Variants in ITPR3 observed in about 807,000 individuals in gnomAD.
ITPR3 encodes the protein inositol 1,4,5-trisphosphate-gated calcium channel ITPR3.
A neutral mutation model predicts 293.2 loss-of-function variants in ITPR3; 173 were observed. The observed-to-expected ratio is 0.59, with a 90% CI of 0.52 to 0.67. The LOEUF is 0.67. Ranked by LOEUF, ITPR3 falls within the 30% of genes least tolerant of loss-of-function variation. The pLI is 0.00. For missense variants in ITPR3, 2,796 were observed against 3,592.1 expected, an observed-to-expected ratio of 0.78 and a Z score of 5.66; for synonymous variants, 1,295 against 1,444.4, an observed-to-expected ratio of 0.90 and a Z score of 2.35.
At chr6:33,631,749 C>T (rs374265175) in intron 1 of ITPR3, among the ~76,000 whole-genome samples, 26 of 152,260 alleles carry the variant, frequency 1.7e-4, no homozygotes, top group African/African-American at 6.0e-4. Context: ...CTCCCTTTCG[C>T]GGTCTGCTAA....
chr6:33,670,415 T>A lies in ITPR3; in HGVS notation c.2280T>A (p.Ile760=). The change falls in exon 19 of 58, where the codon ATT becomes ATA. Residue 760 remains isoleucine (I), a synonymous_variant. Transcript: ENST00000605930. The surrounding 1 kb of genome is among the most constrained non-coding windows in gnomAD (Gnocchi z 6.7). ...EISQQLGVDL[I]FLCMADEMLP... is the part of the protein sequence containing the mutation. ...CCCAGCAGCTGGGCGTGGACCTGAT[T>A]TTCCTGTGCATGGCAGACGAGATGC... is the stretch of plus-strand genomic sequence containing the variant. The A allele has an allele frequency of 6.2e-7, 1 of 1,614,074 alleles. No individual in the cohort carries two copies. Among genetic ancestry groups the A allele is most frequent in the Non-Finnish European group, 8.5e-7 (1 of 1,180,012 alleles).
chr6:33,634,447 C>T (rs982976878), intron 1 of ITPR3, among the ~76,000 whole-genome samples: 2 of 152,108 alleles, frequency 1.3e-5, no homozygotes, highest in African/African-American at 4.8e-5. Flanking sequence ...TCCTGACCGA[C>T]CCTCCCTGCT....
rs959621125 is a variant in ITPR3, at chr6:33,657,882, C to T, written c.283-50C>T. 5 of 1,536,292 alleles carry T rather than the reference C, an allele frequency of 3.3e-6. No individual in the cohort carries two copies. In the East Asian group the frequency reaches 6.9e-5, roughly 21 times the overall value. ...GTGTGGGGCTGGGGTATGTCTTCCT[C>T]TAGGAGCAGCTTCTGAGCCCACCCT... On this transcript the variant is annotated intron_variant, in intron 3 of 57. Transcript: ENST00000605930.
chr6:33,694,695 T>G, intron 56 of ITPR3: 1 of 547,194 alleles, frequency 1.8e-6, no homozygotes, highest in Non-Finnish European at 3.2e-6. Context: ...CGACGCTGCC[T>G]AACGGAAGTC....
intron 9 of ITPR3, 90 bp downstream of exon 9, chr6:33,663,096 G>C: frequency 1.0e-5 from 11 of 1,099,662 alleles, no homozygotes; most frequent in South Asian, 1.4e-5. Context: ...TGCATATGTG[G>C]CACATGTGCC....
chr6:33,688,423 A>G lies in ITPR3; in HGVS notation c.6560A>G (p.Lys2187Arg). ...FLHNEMEWQRKLRSMPLIYWF... is the reference protein window; with the variant it reads ...FLHNEMEWQRRLRSMPLIYWF... Reference sequence around the variant, plus strand: ...CACAACGAGATGGAGTGGCAGCGCAAGCTCCGCAGTGAGGACCCACGGGCG... The same window carrying G: ...CACAACGAGATGGAGTGGCAGCGCAGGCTCCGCAGTGAGGACCCACGGGCG... The change falls in exon 48 of 58, where the codon AAG becomes AGG. Residue 2187 changes from lysine to arginine, a missense_variant. This residue lies in a region of ITPR3 where 568 missense variants were observed against 796.1 expected (regional missense o/e 0.71). Coordinates refer to ENST00000605930, the MANE Select transcript of ITPR3 (RefSeq NM_002224.4). 1.1e-6 allele frequency: 1 copy of G among 899,478 alleles called. No individual in the cohort carries two copies. Among genetic ancestry groups the G allele is most frequent in the Non-Finnish European group, 1.6e-6 (1 of 629,006 alleles). 55.7% of individuals were successfully genotyped at this position (899,478 alleles called of 1,614,324 possible). A position where few individuals can be genotyped will look rare whatever the true frequency, so the allele number is the denominator to read the frequency against.
In ITPR3 at chr6:33,675,870, C is replaced by G; in HGVS notation, c.3282+14C>G. On this transcript the variant is annotated intron_variant, in intron 25 of 57. Transcript: ENST00000605930. The surrounding 1 kb of genome is among the most constrained non-coding windows in gnomAD (Gnocchi z 5.0). ...ACCTTCAAGCAGGTGACGGGACTACCTGGCCCTGGCCCTGAGCATGAGGCC... is the reference window on the plus strand; with the variant it reads ...ACCTTCAAGCAGGTGACGGGACTACGTGGCCCTGGCCCTGAGCATGAGGCC... 1 of 1,544,836 alleles carries G rather than the reference C, an allele frequency of 6.5e-7. No individual in the cohort carries two copies. Among genetic ancestry groups the G allele is most frequent in the Non-Finnish European group, 8.7e-7 (1 of 1,143,472 alleles).
rs1257989532 is a variant in ITPR3, at chr6:33,654,233, A to C, written c.161-1533A>C. 6.6e-6 allele frequency among the ~76,000 whole-genome samples: 1 copy of C among 152,122 alleles called. No individual in the cohort carries two copies. The highest frequency in any genetic ancestry group is 1.9e-4 in the East Asian group (1 of 5,190). On this transcript the variant is annotated intron_variant, in intron 2 of 57. Coordinates refer to ENST00000605930, the MANE Select transcript of ITPR3 (RefSeq NM_002224.4). This position sits in a 1 kb window ranked among gnomAD's most constrained non-coding sequence, Gnocchi z 4.1. ...CAGTGAGCCGAGATTGCATCACTGCACTCCAGCCTGAGCTACAGAGTGAGA... is the reference window on the plus strand; with the variant it reads ...CAGTGAGCCGAGATTGCATCACTGCCCTCCAGCCTGAGCTACAGAGTGAGA...
chr6:33,628,473 A>G (rs952793955), intron 1 of ITPR3, among the ~76,000 whole-genome samples: 1 of 152,264 alleles, frequency 6.6e-6, no homozygotes, highest in African/African-American at 2.4e-5. Flanking sequence ...CCTGGCTTGG[A>G]GAGCTTGGGG....
chr6:33,684,184 G>C lies in ITPR3; in HGVS notation c.4937+16G>C, dbSNP rs1359752915. The C allele has an allele frequency of 6.2e-7, 1 of 1,608,522 alleles. No individual in the cohort carries two copies. The highest frequency in any genetic ancestry group is 1.3e-5 in the African/African-American group (1 of 74,810). On this transcript the variant is annotated intron_variant, in intron 36 of 57. Transcript: ENST00000605930. This position sits in a 1 kb window ranked among gnomAD's most constrained non-coding sequence, Gnocchi z 4.2. Reference sequence around the variant, plus strand: ...TCCTGTCCAAGTGAGCGAGACACTGGGGCATGGGGGCAGCAGGGGTGCAGC... The same window carrying C: ...TCCTGTCCAAGTGAGCGAGACACTGCGGCATGGGGGCAGCAGGGGTGCAGC...
intron 2 of ITPR3, among the ~76,000 whole-genome samples, chr6:33,653,146 G>A (rs1027896954): frequency 6.6e-6 from 1 of 152,016 alleles, no homozygotes; most frequent in African/African-American, 2.4e-5. Context: ...TGGCTCAAGC[G>A]AACCTCCTGC....
At chr6:33,686,317 G>A in intron 42 of ITPR3, 64 bp downstream of exon 42, 1 of 1,597,324 alleles carries the variant, frequency 6.3e-7, no homozygotes, top group Non-Finnish European at 8.6e-7. Flanking sequence ...GGTAGATGGA[G>A]CCAGCTGGGG....
At chr6:33,648,537 C>CTT (rs11483012) in intron 2 of ITPR3, among the ~76,000 whole-genome samples, 1 of 151,080 alleles carries the variant, frequency 6.6e-6, no homozygotes, top group Non-Finnish European at 1.5e-5. Flanking sequence ...CTCAGTTACC[C>CTT]TTTTTTTTTC....
chr6:33,684,393 G>A lies in ITPR3; in HGVS notation c.4974G>A (p.Glu1658=), dbSNP rs752709534. The A allele has an allele frequency of 2.5e-6, 4 of 1,614,104 alleles. No homozygotes were observed. Among genetic ancestry groups the A allele is most frequent in the Non-Finnish European group, 2.5e-6 (3 of 1,180,002 alleles). The change falls in exon 37 of 58, where the codon GAG becomes GAA. Residue 1658 remains glutamate (E), a synonymous_variant. Transcript: ENST00000605930. This position sits in a 1 kb window ranked among gnomAD's most constrained non-coding sequence, Gnocchi z 4.2. ...IQHTKDLMES[E]EKLCIKVLRT... ...ACACCAAGGACCTCATGGAGTCGGA[G>A]GAGAAGCTGTGCATCAAGGTGCTGC...
intron 7 of ITPR3, 46 bp from the exon 8 acceptor site, chr6:33,662,482 C>A: frequency 6.5e-7 from 1 of 1,537,100 alleles, no homozygotes; most frequent in South Asian, 1.2e-5. Flanking sequence ...GGTCCTTGAG[C>A]CTGGAGGGGC....
At chr6:33,652,732 G>A (rs972741636) in intron 2 of ITPR3, among the ~76,000 whole-genome samples, 2 of 152,104 alleles carry the variant, frequency 1.3e-5, no homozygotes, top group Admixed American at 6.6e-5. Flanking sequence ...CCAAAGTGCT[G>A]GGATTACAGG....
Position 33,686,085 on chromosome 6 carries a change from C to G in ITPR3, c.5700C>G (p.Asn1900Lys). 6.2e-7 allele frequency: 1 copy of G among 1,614,188 alleles called. No individual in the cohort carries two copies. Among genetic ancestry groups the G allele is most frequent in the Non-Finnish European group, 8.5e-7 (1 of 1,180,034 alleles). The change falls in exon 42 of 58, where the codon AAC becomes AAG. Residue 1900 changes from asparagine to lysine, a missense_variant. Asn to Lys is a moderately conservative substitution (Grantham distance 94, BLOSUM62 0). Transcript: ENST00000605930. ...NFLRCQNNKT[N>K]YNLVCETLQF... is the part of the protein sequence containing the mutation. ...TGCGCTGTCAGAACAACAAAACCAACTACAACTTGGTATGCGAGACGCTGC... is the reference window on the plus strand; with the variant it reads ...TGCGCTGTCAGAACAACAAAACCAAGTACAACTTGGTATGCGAGACGCTGC...
chr6:33,653,109 A>T (rs1040865430), intron 2 of ITPR3, among the ~76,000 whole-genome samples: 2 of 151,798 alleles, frequency 1.3e-5, no homozygotes, highest in African/African-American at 4.8e-5. Context: ...ATGTCTCGCT[A>T]TGTTGCCAAG....
Position 33,680,566 on chromosome 6 carries a change from G to T in ITPR3, c.4362G>T (p.Lys1454Asn). 1 of 1,613,938 alleles carries T rather than the reference G, an allele frequency of 6.2e-7. No homozygotes were observed. Among genetic ancestry groups the T allele is most frequent in the Non-Finnish European group, 8.5e-7 (1 of 1,179,914 alleles). The change falls in exon 33 of 58, where the codon AAG (lysine) becomes AAT (asparagine). Residue 1454 changes from lysine (K) to asparagine (N), a missense_variant. Physicochemically the swap from Lys to Asn is moderately conservative, Grantham distance 94. Around this residue, in one of 8 missense-constraint regions of ITPR3, gnomAD observed 344 missense variants for 460.3 expected, o/e 0.75. Coordinates refer to ENST00000605930, the MANE Select transcript of ITPR3 (RefSeq NM_002224.4). Reference protein sequence around the residue: ...FTLDMARVCSKREKRVADPTL... With the variant: ...FTLDMARVCSNREKRVADPTL... ...CTCTCCTGCCTCAGGTCTGCAGCAA[G>T]CGTGAGAAGCGCGTGGCTGACCCCA...
Sources: gnomAD v4.1 joint callset for allele counts (sites outside exome capture counted in the v4.1 genomes callset) on GRCh38, gnomAD v4.1.1 for gene constraint, gnomAD v4.1.1 regional missense constraint, Gnocchi (gnomAD v3.1) non-coding constraint, MANE v1.5 for transcripts, NCBI Gene and HGNC (gene_info 2026-07-23, HGNC 2026-07-21) for gene names.